Variants in CFAP299 observed in about 807,000 individuals in gnomAD.
CFAP299 encodes the protein cilia- and flagella-associated protein 299.
A neutral mutation model predicts 27.0 loss-of-function variants in CFAP299; 21 were observed. The ratio of observed to expected loss-of-function variants is 0.78; its 90% CI spans 0.55 to 1.12. The LOEUF is 1.12. Ranked by LOEUF, CFAP299 falls within the 50% of genes most tolerant of loss-of-function variation. CFAP299 has a pLI of 0.00. For synonymous variants in CFAP299, 104 were observed against 98.1 expected (o/e 1.06, Z -0.36); for missense variants, 310 against 276.6 (o/e 1.12, Z -0.86).
At chr4:80,390,103 C>T (rs1725243777) in intron 2 of CFAP299, among the ~76,000 whole-genome samples, 1 of 151,990 alleles carries the variant, frequency 6.6e-6, no homozygotes, top group Non-Finnish European at 1.5e-5. Context: ...ATTAACATTT[C>T]CATCACAATA....
chr4:80,608,158 T>A (rs922253648), intron 3 of CFAP299, among the ~76,000 whole-genome samples: 1 of 152,118 alleles, frequency 6.6e-6, no homozygotes, highest in Non-Finnish European at 1.5e-5. Context: ...GTTAGAGATA[T>A]GAGCTATCTA....
At chr4:80,888,528 C>T (rs993419311) in intron 4 of CFAP299, among the ~76,000 whole-genome samples, 2 of 151,984 alleles carry the variant, frequency 1.3e-5, no homozygotes, top group South Asian at 2.1e-4. Context: ...TATCTGGAGA[C>T]TTCAACATCC....
chr4:80,636,397 A>C (rs1739466923), intron 3 of CFAP299, among the ~76,000 whole-genome samples: 1 of 152,180 alleles, frequency 6.6e-6, no homozygotes, highest in African/African-American at 2.4e-5. Context: ...AAAAGCAATA[A>C]AGTTTACAAA....
At chr4:80,587,043 C>G (rs1736482871) in intron 3 of CFAP299, among the ~76,000 whole-genome samples, 1 of 152,122 alleles carries the variant, frequency 6.6e-6, no homozygotes, top group Non-Finnish European at 1.5e-5. Flanking sequence ...CTCTATGAAA[C>G]ATAAGATTGC....
intron 2 of CFAP299, among the ~76,000 whole-genome samples, chr4:80,553,833 T>G (rs6831304): frequency 0.046 from 6,932 of 152,194 alleles, 558 homozygotes; most frequent in African/African-American, 0.16. Flanking sequence ...TTTGCCCACT[T>G]TTTAATGGGG....
At chr4:80,529,190 T>A (rs1733336772) in intron 2 of CFAP299, among the ~76,000 whole-genome samples, 1 of 152,160 alleles carries the variant, frequency 6.6e-6, no homozygotes, top group Non-Finnish European at 1.5e-5. Flanking sequence ...ATCACTTGTA[T>A]CTCTGCCAGC....
chr4:80,730,763 G>A (rs556367584), intron 3 of CFAP299, among the ~76,000 whole-genome samples: 5 of 152,156 alleles, frequency 3.3e-5, no homozygotes, highest in African/African-American at 4.8e-5. Context: ...GAGGTAATTT[G>A]GGGCAATGTA....
At chr4:80,762,224 C>T (rs1009004948) in intron 3 of CFAP299, among the ~76,000 whole-genome samples, 1 of 151,734 alleles carries the variant, frequency 6.6e-6, no homozygotes, top group Non-Finnish European at 1.5e-5. Context: ...CTTTTCTGAA[C>T]GTTGATGGAC....
chr4:80,348,165 T>G (rs1722836090), intron 1 of CFAP299, among the ~76,000 whole-genome samples: 1 of 152,126 alleles, frequency 6.6e-6, no homozygotes, highest in Non-Finnish European at 1.5e-5. Flanking sequence ...ATTAAAGACT[T>G]AAATGTAAAA....
At chr4:80,943,397 A>G (rs1035951399) in intron 4 of CFAP299, among the ~76,000 whole-genome samples, 1 of 152,180 alleles carries the variant, frequency 6.6e-6, no homozygotes, top group East Asian at 1.9e-4. Flanking sequence ...GCCTCAGAAA[A>G]CAATATAATT....
chr4:80,359,615 A>G (rs1454946961), intron 1 of CFAP299, among the ~76,000 whole-genome samples: 1 of 152,174 alleles, frequency 6.6e-6, no homozygotes, highest in African/African-American at 2.4e-5. Flanking sequence ...CTATTCTGCT[A>G]TTAATACTTG....
At chr4:80,481,755 GAAAAC>G (rs1367461338) in intron 2 of CFAP299, among the ~76,000 whole-genome samples, 1 of 151,950 alleles carries the variant, frequency 6.6e-6, no homozygotes, top group Non-Finnish European at 1.5e-5. Context: ...TTCTAATCCT[GAAAAC>G]AGAACATATA....
chr4:80,568,164 T>C (rs1421871019), intron 2 of CFAP299, among the ~76,000 whole-genome samples: 2 of 151,876 alleles, frequency 1.3e-5, no homozygotes, highest in African/African-American at 4.8e-5. Context: ...GTTATTCTGA[T>C]CAATTAATAT....
chr4:80,654,463 A>G (rs1577979255), intron 3 of CFAP299, among the ~76,000 whole-genome samples: 1 of 152,230 alleles, frequency 6.6e-6, no homozygotes, highest in East Asian at 1.9e-4. Context: ...ATCTATTGTA[A>G]CATTTTCTGT....
At chr4:80,488,474 CTTTT>C (rs35951592) in intron 2 of CFAP299, among the ~76,000 whole-genome samples, 1 of 136,536 alleles carries the variant, frequency 7.3e-6, no homozygotes. Flanking sequence ...TGGTAAACAC[CTTTT>C]TTTTTTTTTT....
chr4:80,774,446 TA>T (rs572492507), intron 3 of CFAP299, among the ~76,000 whole-genome samples: 1 of 151,936 alleles, frequency 6.6e-6, no homozygotes, highest in African/African-American at 2.4e-5. Context: ...TCTGCTACTA[TA>T]AAAAATGCAT....
At chr4:80,323,789 A>G in the CFAP299 span, among the ~76,000 whole-genome samples, 5 of 152,152 alleles carry the variant, frequency 3.3e-5, no homozygotes, top group Non-Finnish European at 7.4e-5. Context: ...ATTTCTAATT[A>G]CTTATATTTT....
intron 2 of CFAP299, among the ~76,000 whole-genome samples, chr4:80,427,525 A>G (rs2110075433): frequency 6.6e-6 from 1 of 152,294 alleles, no homozygotes; most frequent in East Asian, 1.9e-4. Flanking sequence ...GTTTCAATAA[A>G]TGACATGAAT....
intron 3 of CFAP299, among the ~76,000 whole-genome samples, chr4:80,762,590 A>G (rs968250861): frequency 1.3e-5 from 2 of 152,178 alleles, no homozygotes; most frequent in Admixed American, 6.5e-5. Context: ...TCTAGAGCCA[A>G]TCTAAGCAGA....
Sources: gnomAD v4.1 joint callset for allele counts (sites outside exome capture counted in the v4.1 genomes callset) on GRCh38, gnomAD v4.1.1 for gene constraint, MANE v1.5 for transcripts, NCBI Gene and HGNC (gene_info 2026-07-23, HGNC 2026-07-21) for gene names.